CALCRL: variants seen among roughly 807,000 people sequenced by gnomAD.
The protein encoded by CALCRL is calcitonin gene-related peptide type 1 receptor.
Under a neutral mutation model 60.4 loss-of-function variants are expected in CALCRL, and 27 were observed. The ratio of observed to expected loss-of-function variants is 0.45; its 90% CI spans 0.33 to 0.62. CALCRL has a LOEUF of 0.62. CALCRL is among the 20% of genes least tolerant of loss of function. The pLI, the probability that CALCRL is intolerant of heterozygous loss-of-function variation, is 0.03. For missense variants in CALCRL, 424 were observed against 540.7 expected (o/e 0.78, Z 2.14); for synonymous variants, 190 against 182.6 (o/e 1.04, Z -0.33).
intron 1 of CALCRL, among the ~76,000 whole-genome samples, chr2:187,442,419 G>A (rs1285733584): frequency 1.3e-5 from 2 of 151,454 alleles, no homozygotes; most frequent in African/African-American, 4.8e-5. Context: ...CATTCTCAAT[G>A]TGGGTCTTAA....
At chr2:187,410,469 C>T (rs915869575) in intron 1 of CALCRL, among the ~76,000 whole-genome samples, 6 of 151,340 alleles carry the variant, frequency 4.0e-5, no homozygotes, top group African/African-American at 1.5e-4. Context: ...TGGAAATATG[C>T]AGGTGAGGGA....
rs533634899 is a variant in CALCRL, at chr2:187,365,418, T to C, written c.501-1916A>G. Among the ~76,000 whole-genome samples, 6 of 152,304 alleles carry C rather than the reference T, an allele frequency of 3.9e-5. No individual in the cohort carries two copies. In the East Asian group the frequency reaches 9.7e-4, roughly 25 times the overall value. ...ATTGTTTAGAGAGAGGAACTGCTTA[T>C]CCATGCAAATATACATGTTTTTAGT... On this transcript the variant is annotated intron_variant, in intron 8 of 14. Transcript: ENST00000392370.
At chr2:187,389,878 C>A (rs931901693) in intron 1 of CALCRL, among the ~76,000 whole-genome samples, 1 of 152,012 alleles carries the variant, frequency 6.6e-6, no homozygotes, top group Non-Finnish European at 1.5e-5. Flanking sequence ...ATTTCCCTTG[C>A]AGATATGGTT....
At chr2:187,378,377 G>T (rs1404592863) in intron 8 of CALCRL, among the ~76,000 whole-genome samples, 3 of 152,092 alleles carry the variant, frequency 2.0e-5, no homozygotes, top group Admixed American at 1.3e-4. Context: ...ATTGGTTGTT[G>T]ATTGCTTTGT....
At chr2:187,429,566 A>G (rs1482470030) in intron 1 of CALCRL, among the ~76,000 whole-genome samples, 1 of 152,228 alleles carries the variant, frequency 6.6e-6, no homozygotes, top group Non-Finnish European at 1.5e-5. Flanking sequence ...TTATGTTAAA[A>G]TGGAAACATA....
intron 1 of CALCRL, among the ~76,000 whole-genome samples, chr2:187,402,440 TGAGAGA>T (rs144627472): frequency 1.3e-5 from 2 of 149,170 alleles, no homozygotes; most frequent in Admixed American, 6.7e-5. Flanking sequence ...TGTGTGTATG[TGAGAGA>T]GAGAGAGAGA....
intron 1 of CALCRL, among the ~76,000 whole-genome samples, chr2:187,409,970 A>C (rs1249763624): frequency 6.6e-6 from 1 of 152,194 alleles, no homozygotes; most frequent in African/African-American, 2.4e-5. Flanking sequence ...GACCACACTA[A>C]GCAGGGAGTT....
chr2:187,442,615 T>G (rs746412099), intron 1 of CALCRL, among the ~76,000 whole-genome samples: 12 of 151,794 alleles, frequency 7.9e-5, no homozygotes, highest in Non-Finnish European at 1.0e-4. Flanking sequence ...TTAAAAAAAA[T>G]GGTCAAAAAC....
At chr2:187,427,330 C>T (rs1690188323) in intron 1 of CALCRL, among the ~76,000 whole-genome samples, 1 of 152,148 alleles carries the variant, frequency 6.6e-6, no homozygotes, top group Non-Finnish European at 1.5e-5. Context: ...GGTCCTTGGT[C>T]TAGGGAAAAG....
intron 8 of CALCRL, among the ~76,000 whole-genome samples, chr2:187,375,060 C>G (rs921339747): frequency 6.6e-6 from 1 of 151,690 alleles, no homozygotes; most frequent in African/African-American, 2.4e-5. Context: ...ATCATGAGGT[C>G]AGGAGATCGA....
intron 1 of CALCRL, among the ~76,000 whole-genome samples, chr2:187,416,563 G>A (rs1689619329): frequency 6.6e-6 from 1 of 152,052 alleles, no homozygotes; most frequent in Non-Finnish European, 1.5e-5. Context: ...GACATTAAAA[G>A]GCCTTGTATT....
At chr2:187,400,463 A>G (rs1195346803) in intron 1 of CALCRL, among the ~76,000 whole-genome samples, 1 of 151,532 alleles carries the variant, frequency 6.6e-6, no homozygotes, top group Non-Finnish European at 1.5e-5. Flanking sequence ...TCATTGATAA[A>G]CACCTTAGTA....
intron 8 of CALCRL, among the ~76,000 whole-genome samples, chr2:187,376,493 G>A (rs1012880699): frequency 1.3e-5 from 2 of 151,974 alleles, no homozygotes; most frequent in African/African-American, 4.8e-5. Context: ...GAGAATAAGT[G>A]GTCTGATTTG....
At chr2:187,447,220 G>T (rs1046531762) in intron 1 of CALCRL, among the ~76,000 whole-genome samples, 1 of 151,716 alleles carries the variant, frequency 6.6e-6, no homozygotes, top group Admixed American at 6.6e-5. Context: ...ATACTTCTTT[G>T]GGAAAGCTGT....
chr2:187,397,686 C>T (rs1242208951), intron 1 of CALCRL, among the ~76,000 whole-genome samples: 3 of 151,458 alleles, frequency 2.0e-5, no homozygotes, highest in Admixed American at 2.0e-4. Context: ...TATCCCTCAC[C>T]CCAGCTACAA....
In CALCRL at chr2:187,360,820, T is replaced by C. The variant is rs1220029448; in HGVS notation, c.628-69A>G. 4.9e-6 allele frequency: 7 copies of C among 1,421,084 alleles called. No homozygotes were observed. In the African/African-American group the frequency reaches 1.0e-4, roughly 20 times the overall value. 88.0% of individuals were successfully genotyped at this position (1,421,084 alleles called of 1,614,324 possible). A position where few individuals can be genotyped will look rare whatever the true frequency, so the allele number is the denominator to read the frequency against. On this transcript the variant is annotated intron_variant, in intron 9 of 14. Transcript: ENST00000392370. ...TCACATGTAAAGCAATACTCTAGTT[T>C]AGCTCAGGAAACATGGAACATTCTC...
intron 1 of CALCRL, among the ~76,000 whole-genome samples, chr2:187,441,593 G>C (rs1262737677): frequency 6.6e-6 from 1 of 151,806 alleles, no homozygotes; most frequent in African/African-American, 2.4e-5. Flanking sequence ...TTTAATCCTA[G>C]TATCCCCTAA....
intron 1 of CALCRL, among the ~76,000 whole-genome samples, chr2:187,402,555 A>C (rs760198566): frequency 2.0e-5 from 3 of 151,694 alleles, no homozygotes; most frequent in Non-Finnish European, 4.4e-5. Flanking sequence ...GCTTTCCAGT[A>C]AGACAGAAAA....
intron 1 of CALCRL, among the ~76,000 whole-genome samples, chr2:187,430,167 G>A (rs1574318082): frequency 6.6e-6 from 1 of 152,158 alleles, no homozygotes; most frequent in Admixed American, 6.5e-5. Context: ...TGAGTCATGT[G>A]AAATGAAATG....
Sources: gnomAD v4.1 joint callset for allele counts (sites outside exome capture counted in the v4.1 genomes callset) on GRCh38, gnomAD v4.1.1 for gene constraint, MANE v1.5 for transcripts, NCBI Gene and HGNC (gene_info 2026-07-23, HGNC 2026-07-21) for gene names.